Variants in STK10 observed in about 807,000 individuals in gnomAD.
STK10 encodes the protein serine/threonine kinase 10.
STK10 carries 78 observed loss-of-function variants against 113.8 expected under a neutral mutation model. The observed-to-expected ratio is 0.69, with a 90% CI of 0.57 to 0.83. STK10 has a LOEUF of 0.83. Ranked by LOEUF, STK10 falls within the 40% of genes least tolerant of loss-of-function variation. The pLI is 0.00. For missense variants in STK10, 1,109 were observed against 1,280.1 expected (o/e 0.87, Z 2.04); for synonymous variants, 465 against 494.7 (o/e 0.94, Z 0.80).
chr5:172,088,572 T>A (rs575314351), intron 10 of STK10, among the ~76,000 whole-genome samples: 2 of 152,310 alleles, frequency 1.3e-5, no homozygotes, highest in African/African-American at 4.8e-5. Flanking sequence ...TTCACATGTA[T>A]AAAAATATGT....
intron 12 of STK10, among the ~76,000 whole-genome samples, chr5:172,065,292 C>CTTTTT (rs535856789): frequency 1.6e-5 from 2 of 123,202 alleles, no homozygotes; most frequent in African/African-American, 3.1e-5. Context: ...TGAAAATGCA[C>CTTTTT]TTTTTTTTTT....
At chr5:172,166,734 G>A (rs1057282800) in intron 1 of STK10, among the ~76,000 whole-genome samples, 2 of 152,136 alleles carry the variant, frequency 1.3e-5, no homozygotes, top group African/African-American at 4.8e-5. Flanking sequence ...ATGGGTGAAC[G>A]CATTACTGAC....
intron 14 of STK10, among the ~76,000 whole-genome samples, chr5:172,058,170 G>A (rs1767849226): frequency 1.3e-5 from 2 of 152,308 alleles, no homozygotes; most frequent in African/African-American, 4.8e-5. Flanking sequence ...TTGGCTCAGT[G>A]CGAATGTTGT....
At chr5:172,134,745 CAAAAAAAAAAA>C (rs33933488) in intron 2 of STK10, among the ~76,000 whole-genome samples, 2 of 132,268 alleles carry the variant, frequency 1.5e-5, no homozygotes, top group African/African-American at 5.8e-5. Context: ...CTCATATTTA[CAAAAAAAAAAA>C]AAAGGAAAAA....
In STK10 at chr5:172,044,706, G is replaced by T. The variant is rs1183269074; in HGVS notation, c.*176C>A. Reference sequence around the variant, plus strand: ...CTCACCCTCCACAGGCCAGCAAGAAGTCAGGAACGCTGGGGCAGGTCTATC... The same window carrying T: ...CTCACCCTCCACAGGCCAGCAAGAATTCAGGAACGCTGGGGCAGGTCTATC... On this transcript the variant is annotated 3_prime_UTR_variant, in exon 19 of 19. Transcript: ENST00000176763. The surrounding 1 kb of genome is among the most constrained non-coding windows in gnomAD (Gnocchi z 4.5). 1.0e-6 allele frequency: 1 copy of T among 987,524 alleles called. No homozygotes were observed. Among genetic ancestry groups the T allele is most frequent in the Non-Finnish European group, 1.5e-6 (1 of 661,060 alleles). The allele number at this position is 987,524 out of a possible 1,614,324, so 61.2% of individuals were successfully genotyped here. A position where few individuals can be genotyped will look rare whatever the true frequency, so the allele number is the denominator to read the frequency against.
At chr5:172,095,122 C>T (rs1053604094) in intron 8 of STK10, among the ~76,000 whole-genome samples, 4 of 152,188 alleles carry the variant, frequency 2.6e-5, no homozygotes, top group African/African-American at 9.7e-5. Flanking sequence ...ATGAGCTGTG[C>T]CTGCTTATAA....
At chr5:172,117,138 G>A (rs6890769) in intron 4 of STK10, among the ~76,000 whole-genome samples, 21,148 of 151,928 alleles carry the variant, frequency 0.14, 1,633 homozygotes, top group African/African-American at 0.21. Flanking sequence ...AAGTAGCCAG[G>A]CATGGTGGCA....
chr5:172,093,262 TG>T lies in STK10; in HGVS notation c.1554+149del. The T allele has an allele frequency of 1.3e-6, 1 of 765,416 alleles. No homozygotes were observed. The highest frequency in any genetic ancestry group is 2.0e-6 in the Non-Finnish European group (1 of 488,370). 47.4% of individuals were successfully genotyped at this position (765,416 alleles called of 1,614,324 possible). ...AATCCCATATTGAACCCAGATATTT[TG>T]GAGATTAAACTATGAGTCAAACCCA... On this transcript the variant is annotated intron_variant, in intron 9 of 18. Coordinates refer to ENST00000176763, the MANE Select transcript of STK10 (RefSeq NM_005990.4). The surrounding 1 kb of genome is among the most constrained non-coding windows in gnomAD (Gnocchi z 4.1).
In STK10 at chr5:172,061,229, G is replaced by A. The variant is rs1420047459; in HGVS notation, c.2122C>T (p.Leu708=). ...TCGGTGGTGAGCCTCTTCATGGCCA[G>A]CTCCAGGTCCTCCTTCTGCTTGGCT... ...FVAKQKEDLE[L]AMKRLTTDNR... The change falls in exon 14 of 19, where the codon CTG becomes TTG. Residue 708 remains leucine, a synonymous_variant. Transcript: ENST00000176763. 1 of 1,613,278 alleles carries A rather than the reference G, an allele frequency of 6.2e-7. No individual in the cohort carries two copies. Among genetic ancestry groups the A allele is most frequent in the Non-Finnish European group, 8.5e-7 (1 of 1,179,892 alleles).
At chr5:172,051,202 A>T (rs1440081529) in intron 18 of STK10, among the ~76,000 whole-genome samples, 2 of 152,328 alleles carry the variant, frequency 1.3e-5, no homozygotes, top group Middle Eastern at 3.4e-3. Flanking sequence ...AGTTATGCAG[A>T]TCTTCCAAAA....
chr5:172,065,265 G>A (rs1421815818), intron 12 of STK10, among the ~76,000 whole-genome samples: 1 of 150,756 alleles, frequency 6.6e-6, no homozygotes, highest in African/African-American at 2.4e-5. Context: ...CTTCCTTTAG[G>A]GTAACACTAG....
chr5:172,143,435 G>A (rs1175244149), intron 2 of STK10, among the ~76,000 whole-genome samples: 3 of 152,150 alleles, frequency 2.0e-5, no homozygotes, highest in Non-Finnish European at 4.4e-5. Context: ...GCATCAACAC[G>A]CAGTGACCAC....
chr5:172,154,525 T>C (rs946008897), intron 2 of STK10, among the ~76,000 whole-genome samples: 1 of 152,154 alleles, frequency 6.6e-6, no homozygotes, highest in Non-Finnish European at 1.5e-5. Flanking sequence ...GATCTCATAG[T>C]GTCTAAAAGG....
chr5:172,156,862 T>C, intron 1 of STK10, 74 bp from the exon 2 acceptor site: 2 of 1,532,504 alleles, frequency 1.3e-6, no homozygotes, highest in South Asian at 2.5e-5. Flanking sequence ...GAGCCCGCAG[T>C]CCTGCATGAG....
chr5:172,124,438 C>CA (rs1369465205), intron 3 of STK10, among the ~76,000 whole-genome samples: 1 of 152,128 alleles, frequency 6.6e-6, no homozygotes, highest in Non-Finnish European at 1.5e-5. Flanking sequence ...TCTATCCCCC[C>CA]AAATGATAAT....
intron 4 of STK10, among the ~76,000 whole-genome samples, chr5:172,113,018 G>T (rs1389504299): frequency 6.6e-6 from 1 of 152,194 alleles, no homozygotes; most frequent in Non-Finnish European, 1.5e-5. Context: ...AAAGTGCTAG[G>T]ATTACAGGCA....
chr5:172,094,027 G>A (rs1679715034), intron 8 of STK10, 67 bp from the exon 9 acceptor site: 3 of 1,214,774 alleles, frequency 2.5e-6, no homozygotes, highest in Non-Finnish European at 3.2e-6. Flanking sequence ...AGTCAGAGAT[G>A]CAGTGGAGAA....
rs768088280 is a variant in STK10, at chr5:172,052,886, G to C, written c.2766+43C>G. 5 of 1,597,066 alleles carry C rather than the reference G, an allele frequency of 3.1e-6. No homozygotes were observed. The African/African-American group carries it at 6.7e-5, about 21-fold the overall frequency. ...TGGCCAGAGGCCTGTGCATGGCACA[G>C]AGCAGAGCCCGAGACTGAGCCCACC... On this transcript the variant is annotated intron_variant, in intron 18 of 18. Transcript: ENST00000176763.
At chr5:172,058,859 C>G (rs1462871058) in intron 14 of STK10, among the ~76,000 whole-genome samples, 1 of 152,014 alleles carries the variant, frequency 6.6e-6, no homozygotes, top group Non-Finnish European at 1.5e-5. Context: ...CACTGCACTC[C>G]AGCCTGAGTG....
Sources: gnomAD v4.1 joint callset for allele counts (sites outside exome capture counted in the v4.1 genomes callset) on GRCh38, gnomAD v4.1.1 for gene constraint, Gnocchi (gnomAD v3.1) non-coding constraint, MANE v1.5 for transcripts, NCBI Gene and HGNC (gene_info 2026-07-23, HGNC 2026-07-21) for gene names.